The following ITGA11 variants were observed in gnomAD, a reference collection of about 807,000 sequenced individuals.
ITGA11 encodes the protein integrin subunit alpha 11.
ITGA11 carries 97 observed loss-of-function variants against 141.9 expected under a neutral mutation model. The observed-to-expected ratio is 0.68, with a 90% CI of 0.58 to 0.81. The LOEUF (loss-of-function observed/expected upper bound fraction) is 0.81. ITGA11 is among the 30% of genes least tolerant of loss of function. The probability of loss-of-function intolerance (pLI) is 0.00; values close to 1 mark genes in which losing one functional copy is unlikely to be tolerated. For synonymous variants in ITGA11, 658 were observed against 624.6 expected (o/e 1.05, Z -0.80); for missense variants, 1,387 against 1,559.2 (o/e 0.89, Z 1.86).
rs921348711 is a variant in ITGA11 at position 68,361,722 on chromosome 15, G to C, written c.358-18C>G. 1.9e-6 allele frequency: 3 copies of C among 1,540,494 alleles called. No individual in the cohort carries two copies. The African/African-American group carries it at 4.1e-5, about 21-fold the overall frequency. On this transcript the variant is annotated intron_variant, in intron 4 of 29. Coordinates refer to ENST00000315757, the MANE Select transcript of ITGA11 (RefSeq NM_001004439.2). ...CTGCAGGCCTGGGGAGGGCAGTGCA[G>C]ATCCCCAGTCAGTGAGGGGACCTCA...
chr15:68,396,343 T>C (rs1896240775), intron 2 of ITGA11, among the ~76,000 whole-genome samples: 3 of 152,042 alleles, frequency 2.0e-5, no homozygotes, highest in Non-Finnish European at 4.4e-5. Context: ...AGAAAAATCA[T>C]CTGATAAAAT....
intron 1 of ITGA11, among the ~76,000 whole-genome samples, chr15:68,405,596 G>A (rs559753252): frequency 2.0e-5 from 3 of 152,270 alleles, no homozygotes; most frequent in East Asian, 1.9e-4. Context: ...GGCTAGCAGC[G>A]GGCAGCCTTG....
intron 5 of ITGA11, among the ~76,000 whole-genome samples, chr15:68,358,957 C>A (rs1895157706): frequency 1.3e-5 from 2 of 152,152 alleles, no homozygotes; most frequent in South Asian, 4.1e-4. Flanking sequence ...CACTTTCAGC[C>A]CAAATGAATG....
chr15:68,416,740 AC>A (rs1352150487), intron 1 of ITGA11, among the ~76,000 whole-genome samples: 15 of 151,844 alleles, frequency 9.9e-5, no homozygotes, highest in Non-Finnish European at 1.9e-4. Flanking sequence ...ACATGGTGAA[AC>A]CCCGTCTCTA....
At chr15:68,367,183 C>T (rs1232750500) in intron 3 of ITGA11, among the ~76,000 whole-genome samples, 2 of 152,156 alleles carry the variant, frequency 1.3e-5, no homozygotes, top group Non-Finnish European at 1.5e-5. Context: ...TCCAGGGTCT[C>T]ATGGCTTTAT....
rs372797650 is a variant in ITGA11, at chr15:68,311,373, C to T, written c.3004G>A (p.Gly1002Arg). 2.8e-5 allele frequency: 44 copies of T among 1,570,162 alleles called. No individual in the cohort carries two copies. Among genetic ancestry groups the T allele is most frequent in the Non-Finnish European group, 3.6e-5 (42 of 1,156,508 alleles). Residue 1002 changes from glycine (G) to arginine (R), a missense_variant, in exon 25 of 30, where the codon GGG becomes AGG. Physicochemically the swap from Gly to Arg is moderately radical, Grantham distance 125. Transcript: ENST00000315757. ...IQNLGLFPIHGMMMKITIPIA... is the reference protein window; with the variant it reads ...IQNLGLFPIHRMMMKITIPIA... ...GGAATGGTGATCTTCATCATCATCCCGTGGATGGGGAACAAGCCCAAGTTC... is the reference window on the plus strand; with the variant it reads ...GGAATGGTGATCTTCATCATCATCCTGTGGATGGGGAACAAGCCCAAGTTC...
chr15:68,415,262 C>T (rs1896862216), intron 1 of ITGA11, among the ~76,000 whole-genome samples: 1 of 152,202 alleles, frequency 6.6e-6, no homozygotes, highest in African/African-American at 2.4e-5. Context: ...CTTCCCCAGC[C>T]TTTGTGCAGG....
chr15:68,381,241 G>A (rs1402118055), intron 2 of ITGA11, among the ~76,000 whole-genome samples: 4 of 152,182 alleles, frequency 2.6e-5, no homozygotes, highest in South Asian at 2.1e-4. Flanking sequence ...TGAGATATCT[G>A]TATTCTTTTT....
At chr15:68,397,651 T>A (rs1361778762) in intron 2 of ITGA11, among the ~76,000 whole-genome samples, 39 of 117,696 alleles carry the variant, frequency 3.3e-4, no homozygotes, top group Non-Finnish European at 5.5e-4. Context: ...TAAAATATTT[T>A]AAAATATATA....
chr15:68,341,703 G>A (rs1030049217), intron 10 of ITGA11, among the ~76,000 whole-genome samples: 1 of 152,200 alleles, frequency 6.6e-6, no homozygotes, highest in Non-Finnish European at 1.5e-5. Context: ...GTTTGTAACT[G>A]CAGACCTGGC....
At chr15:68,417,177 T>C (rs996054272) in intron 1 of ITGA11, among the ~76,000 whole-genome samples, 1 of 152,154 alleles carries the variant, frequency 6.6e-6, no homozygotes, top group South Asian at 2.1e-4. Context: ...TGGCTGCTTA[T>C]AGGACATTTC....
At position 68,305,056 on chromosome 15, in the gene ITGA11, G is replaced by A. The variant is rs1893149347; in HGVS notation, c.3382-1171C>T. The stretch of plus-strand genomic sequence containing the variant: ...GCTCAAGCTCAAAGTAAAAAGTGCA[G>A]TCCTGGCCCTGGCCTGCAAGGCCCT... On this transcript the variant is annotated intron_variant, in intron 28 of 29. Transcript: ENST00000315757. This position sits in a 1 kb window ranked among gnomAD's most constrained non-coding sequence, Gnocchi z 4.6. Among the ~76,000 whole-genome samples the A allele has an allele frequency of 6.6e-6, 1 of 152,248 alleles. No homozygotes were observed. The highest frequency in any genetic ancestry group is 1.5e-5 in the Non-Finnish European group (1 of 68,048).
intron 1 of ITGA11, among the ~76,000 whole-genome samples, chr15:68,431,447 C>T (rs986955051): frequency 6.6e-6 from 1 of 152,248 alleles, no homozygotes; most frequent in Non-Finnish European, 1.5e-5. Context: ...AGCTAGCCCC[C>T]GCCTACCGGC....
rs1894323976 is a variant in ITGA11 at position 68,335,634 on chromosome 15, C to T, written c.1425+63G>A. ...TCCAGGCATGCCTGTATTTACTGCC[C>T]TCCCATTTGTCTGATCTGCCCCCTC... is the stretch of plus-strand genomic sequence containing the variant. On this transcript the variant is annotated intron_variant, in intron 12 of 29. Transcript: ENST00000315757. The surrounding 1 kb of genome is among the most constrained non-coding windows in gnomAD (Gnocchi z 4.9). 2.6e-6 allele frequency: 4 copies of T among 1,564,904 alleles called. No individual in the cohort carries two copies. Among genetic ancestry groups the T allele is most frequent in the South Asian group, 1.2e-5 (1 of 86,930 alleles).
chr15:68,310,939 C>A, intron 26 of ITGA11, 55 bp downstream of exon 26: 1 of 1,378,834 alleles, frequency 7.3e-7, no homozygotes, highest in East Asian at 2.5e-5. Flanking sequence ...CGCAGAGCAC[C>A]GGCGGCACGC....
intron 1 of ITGA11, among the ~76,000 whole-genome samples, chr15:68,431,341 G>C (rs923719664): frequency 6.6e-6 from 1 of 152,232 alleles, no homozygotes; most frequent in African/African-American, 2.4e-5. Flanking sequence ...CGCGGGTTGG[G>C]AGGCAATGCC....
intron 2 of ITGA11, among the ~76,000 whole-genome samples, chr15:68,397,596 A>C (rs1264609790): frequency 2.7e-5 from 1 of 36,948 alleles, no homozygotes; most frequent in South Asian, 1.3e-3. Flanking sequence ...AATATTATAA[A>C]ATATTTAAAA....
chr15:68,401,549 C>A (rs1276565241), intron 2 of ITGA11, among the ~76,000 whole-genome samples: 1 of 152,180 alleles, frequency 6.6e-6, no homozygotes, highest in Admixed American at 6.5e-5. Flanking sequence ...GTATGGTTCA[C>A]TTAACAACAG....
chr15:68,370,284 T>C (rs1183113063), intron 2 of ITGA11, among the ~76,000 whole-genome samples: 1 of 152,182 alleles, frequency 6.6e-6, no homozygotes, highest in Non-Finnish European at 1.5e-5. Flanking sequence ...GAGCAGCCAC[T>C]CCTTCCTGGC....
Sources: allele counts gnomAD v4.1 joint callset (sites outside exome capture counted in the v4.1 genomes callset), GRCh38; gene constraint gnomAD v4.1.1; non-coding constraint Gnocchi (gnomAD v3.1); transcripts MANE v1.5; gene names NCBI Gene and HGNC (gene_info 2026-07-23, HGNC 2026-07-21).